CSMD1: variants seen among roughly 807,000 people sequenced by gnomAD.
CSMD1 encodes CUB and Sushi multiple domains 1.
In CSMD1, 213 loss-of-function variants were observed where a neutral mutation model predicts 417.5. The ratio of observed to expected loss-of-function variants is 0.51; its 90% CI spans 0.46 to 0.57. The LOEUF (loss-of-function observed/expected upper bound fraction) is 0.57, where lower values mean the gene tolerates loss of function less well. Among genes scored for constraint, CSMD1 ranks in the 20% least tolerant of loss-of-function variants. The pLI is 0.00. For missense variants in CSMD1, 6,923 were observed against 4,529.7 expected (o/e 1.53, Z -15.17); for synonymous variants, 2,862 against 1,736.8 (o/e 1.65, Z -16.11).
intron 5 of CSMD1, among the ~76,000 whole-genome samples, chr8:3,932,784 G>C (rs185641693): frequency 6.7e-6 from 1 of 150,294 alleles, no homozygotes; most frequent in Non-Finnish European, 1.5e-5. Flanking sequence ...ATGAAGCTGA[G>C]TTTTCATTTC....
intron 19 of CSMD1, 80 bp downstream of exon 19, chr8:3,369,174 C>G (rs7002678): frequency 3.0e-6 from 2 of 672,502 alleles, no homozygotes. Context: ...TTGTTTACAC[C>G]GTAATATGTT....
intron 4 of CSMD1, among the ~76,000 whole-genome samples, chr8:4,016,279 G>T (rs1242048313): frequency 6.6e-6 from 1 of 152,072 alleles, no homozygotes; most frequent in Non-Finnish European, 1.5e-5. Context: ...TACCTAAAAA[G>T]ATTCCAGTAG....
chr8:4,132,880 C>G (rs958043551), intron 3 of CSMD1, among the ~76,000 whole-genome samples: 1 of 152,130 alleles, frequency 6.6e-6, no homozygotes, highest in African/African-American at 2.4e-5. Flanking sequence ...TATTCTATTT[C>G]TAGAAAGATT....
At chr8:3,096,400 T>C (rs1038638635) in intron 47 of CSMD1, among the ~76,000 whole-genome samples, 1 of 152,124 alleles carries the variant, frequency 6.6e-6, no homozygotes, top group Non-Finnish European at 1.5e-5. Context: ...TCCCACAAGA[T>C]CTGATGGTTT....
At chr8:4,171,785 ACTT>A (rs1372927302) in intron 3 of CSMD1, among the ~76,000 whole-genome samples, 1 of 152,142 alleles carries the variant, frequency 6.6e-6, no homozygotes, top group Non-Finnish European at 1.5e-5. Flanking sequence ...AATCCAATTT[ACTT>A]GAGTAACTTC....
At chr8:3,598,412 C>T (rs1225232847) in intron 8 of CSMD1, 43 of 152,138 alleles carry the variant, frequency 2.8e-4, no homozygotes, top group Non-Finnish European at 1.5e-5. Flanking sequence ...GAGAGAAAGG[C>T]AGGGAAAGAT....
chr8:4,102,734 T>C (rs1031226661), intron 3 of CSMD1, among the ~76,000 whole-genome samples: 14 of 152,204 alleles, frequency 9.2e-5, no homozygotes, highest in African/African-American at 3.4e-4. Flanking sequence ...AGACAAGATA[T>C]TGGAAGCAGA....
At chr8:4,471,560 A>T (rs1244760177) in intron 2 of CSMD1, among the ~76,000 whole-genome samples, 3 of 152,102 alleles carry the variant, frequency 2.0e-5, no homozygotes, top group Admixed American at 6.6e-5. Context: ...CATGGTGTTT[A>T]ATAACGAAGG....
At position 2,938,473 on chromosome 8, in the gene CSMD1, G is replaced by C. The variant is rs1049636720; in HGVS notation, c.*112C>G. The C allele has an allele frequency of 5.8e-6, 6 of 1,030,012 alleles. No homozygotes were observed. The African/African-American group carries it at 9.7e-5, about 17-fold the overall frequency. The allele number at this position is 1,030,012 out of a possible 1,614,324, so 63.8% of individuals were successfully genotyped here. A position where few individuals can be genotyped will look rare whatever the true frequency, so the allele number is the denominator to read the frequency against. On this transcript the variant is annotated 3_prime_UTR_variant, in exon 70 of 70. Coordinates refer to ENST00000635120, the MANE Select transcript of CSMD1 (RefSeq NM_033225.6). ...ACTTATGCCAGTAGACAAGGTTGAAGATCGCTGCAGTAAAGCCAGAGTGGA... is the reference window on the plus strand; with the variant it reads ...ACTTATGCCAGTAGACAAGGTTGAACATCGCTGCAGTAAAGCCAGAGTGGA...
intron 2 of CSMD1, among the ~76,000 whole-genome samples, chr8:4,515,751 G>A (rs998778195): frequency 6.6e-6 from 1 of 152,148 alleles, no homozygotes; most frequent in Admixed American, 6.5e-5. Flanking sequence ...TAGTCTGGAC[G>A]TGCTCTGCAA....
chr8:4,523,456 G>T (rs1203548472), intron 2 of CSMD1, among the ~76,000 whole-genome samples: 1 of 152,082 alleles, frequency 6.6e-6, no homozygotes, highest in African/African-American at 2.4e-5. Flanking sequence ...TCATAATAAA[G>T]TAAATATTGA....
intron 7 of CSMD1, among the ~76,000 whole-genome samples, chr8:3,646,165 G>T (rs1007301764): frequency 2.6e-4 from 39 of 151,658 alleles, no homozygotes; most frequent in Non-Finnish European, 4.4e-5. Context: ...TATATAAAAT[G>T]AAAAAGGTGA....
chr8:4,925,667 C>G (rs537520512), intron 1 of CSMD1, among the ~76,000 whole-genome samples: 15 of 152,176 alleles, frequency 9.9e-5, no homozygotes, highest in African/African-American at 3.4e-4. Context: ...CTGCCTCAGC[C>G]TCCCAAGTAG....
chr8:3,136,242 C>T (rs984189277), intron 41 of CSMD1, among the ~76,000 whole-genome samples: 5 of 151,366 alleles, frequency 3.3e-5, no homozygotes, highest in Non-Finnish European at 2.9e-5. Flanking sequence ...GACAACCAAG[C>T]CTTTTTTTTT....
intron 51 of CSMD1, among the ~76,000 whole-genome samples, chr8:3,021,704 G>T (rs866305966): frequency 6.1e-5 from 7 of 115,066 alleles, no homozygotes; most frequent in Non-Finnish European, 1.2e-4. Flanking sequence ...CAATCCCACA[G>T]CATCTGGAAT....
At chr8:3,615,088 A>G (rs747147233) in intron 8 of CSMD1, among the ~76,000 whole-genome samples, 34 of 152,186 alleles carry the variant, frequency 2.2e-4, no homozygotes, top group Non-Finnish European at 4.4e-4. Context: ...GCTGTTTTCT[A>G]ATATGATACT....
At chr8:3,657,278 C>T (rs939491996) in intron 7 of CSMD1, among the ~76,000 whole-genome samples, 3 of 152,064 alleles carry the variant, frequency 2.0e-5, no homozygotes, top group Non-Finnish European at 4.4e-5. Flanking sequence ...AGTGAACAAT[C>T]TGAAAAGAAA....
chr8:3,955,672 C>T (rs1019069378), intron 5 of CSMD1, among the ~76,000 whole-genome samples: 5 of 152,124 alleles, frequency 3.3e-5, no homozygotes, highest in Non-Finnish European at 7.4e-5. Flanking sequence ...AAAAGAGTGT[C>T]TCAGAGGATG....
chr8:2,957,715 C>T lies in CSMD1; in HGVS notation c.9795G>A (p.Gly3265=), dbSNP rs1803117726. The change falls in exon 63 of 70, where the codon GGG becomes GGA. Residue 3265 remains glycine, a synonymous_variant. Transcript: ENST00000635120. ...RTCLANLTWS[G]IQTECIPHAC... ...ACTTACGTATACATTCGGTCTGTAT[C>T]CCACTCCATGTTAAATTGGCAAGGC... is the stretch of plus-strand genomic sequence containing the variant. 5.7e-6 allele frequency: 9 copies of T among 1,592,194 alleles called. No individual in the cohort carries two copies. The highest frequency in any genetic ancestry group is 7.7e-6 in the Non-Finnish European group (9 of 1,167,688).
Sources: gnomAD v4.1 joint callset for allele counts (sites outside exome capture counted in the v4.1 genomes callset) on GRCh38, gnomAD v4.1.1 for gene constraint, MANE v1.5 for transcripts, NCBI Gene and HGNC (gene_info 2026-07-23, HGNC 2026-07-21) for gene names.